Variants in LCORL observed in about 807,000 individuals in gnomAD.
LCORL encodes ligand-dependent nuclear receptor corepressor-like protein.
LCORL carries 41 observed loss-of-function variants against 141.8 expected under a neutral mutation model. That is an observed-to-expected ratio of 0.29 (90% CI 0.23 to 0.38). LCORL has a LOEUF of 0.38. Among genes scored for constraint, LCORL ranks in the 10% least tolerant of loss-of-function variants. The pLI, the probability that LCORL is intolerant of heterozygous loss-of-function variation, is 1.00. For missense variants in LCORL, 1,759 were observed against 2,035.0 expected, an observed-to-expected ratio of 0.86 and a Z score of 2.61; for synonymous variants, 618 against 694.1, an observed-to-expected ratio of 0.89 and a Z score of 1.72.
rs1035513798 is a variant in LCORL at position 17,859,635 on chromosome 4, G to C, written c.5603-13734C>G. Among the ~76,000 whole-genome samples, 4 of 152,236 alleles carry C rather than the reference G, an allele frequency of 2.6e-5. No homozygotes were observed. The East Asian group carries it at 7.7e-4, about 29-fold the overall frequency. On this transcript the variant is annotated intron_variant, in intron 7 of 7. Transcript: ENST00000635767. ...TTATTTTCCTATTTTAAAAATCTCT[G>C]AATGATAACTGTGTAAAGAAAAAAT...
At chr4:17,845,945 A>G in intron 7 of LCORL, 44 bp from the exon 8 acceptor site, 1 of 1,479,052 alleles carries the variant, frequency 6.8e-7, no homozygotes, top group Non-Finnish European at 9.3e-7. Flanking sequence ...CTTTAATTTC[A>G]AAGTAATTAT....
At chr4:17,874,188 C>G in exon 7 of LCORL, 1 of 1,233,912 alleles carries the variant, frequency 8.1e-7, no homozygotes, top group Non-Finnish European at 1.0e-6. Context: ...ATGATGCAAC[C>G]TCTTAAACTC....
chr4:17,855,041 G>A (rs1724190492), intron 7 of LCORL, among the ~76,000 whole-genome samples: 2 of 152,062 alleles, frequency 1.3e-5, no homozygotes, highest in South Asian at 4.1e-4. Context: ...TGGCAGTCAA[G>A]AATTCACAAG....
At chr4:17,953,418 A>G (rs1398755019) in intron 4 of LCORL, among the ~76,000 whole-genome samples, 1 of 152,134 alleles carries the variant, frequency 6.6e-6, no homozygotes, top group East Asian at 1.9e-4. Flanking sequence ...GTTCCCCTCA[A>G]ATTTAAACAT....
chr4:17,977,942 C>CT lies in LCORL; in HGVS notation c.155-5058dup, dbSNP rs993981667. 9.2e-5 allele frequency among the ~76,000 whole-genome samples: 14 copies of CT among 152,070 alleles called. 1 individual carries two copies. The highest frequency in any genetic ancestry group is 2.7e-4 in the African/African-American group (11 of 41,506). ...TTGTGGATGGTGTGAAATGACTGAT[C>CT]TTTTTTTTGTTTCTGTATTGGTATC... On this transcript the variant is annotated intron_variant, in intron 1 of 7. Coordinates refer to ENST00000635767, the Ensembl canonical transcript of LCORL.
At chr4:17,957,486 T>C (rs979117101) in intron 4 of LCORL, among the ~76,000 whole-genome samples, 33 of 151,844 alleles carry the variant, frequency 2.2e-4, no homozygotes, top group Non-Finnish European at 4.0e-4. Context: ...TAGAAAGAAT[T>C]TGGGTGATTG....
At chr4:17,979,256 C>T (rs1717566511) in intron 1 of LCORL, among the ~76,000 whole-genome samples, 1 of 152,174 alleles carries the variant, frequency 6.6e-6, no homozygotes, top group Non-Finnish European at 1.5e-5. Flanking sequence ...CTGGCATGAT[C>T]ATATGGCCTA....
chr4:17,907,930 T>C (rs1553865635), intron 5 of LCORL, among the ~76,000 whole-genome samples: 1 of 152,218 alleles, frequency 6.6e-6, no homozygotes, highest in Non-Finnish European at 1.5e-5. Flanking sequence ...AACCTAGTAT[T>C]AGGGAACAAA....
exon 8 of LCORL, chr4:17,844,931 G>A (rs1345879480): frequency 6.6e-6 from 1 of 152,034 alleles, no homozygotes; most frequent in African/African-American, 2.4e-5. Flanking sequence ...ACTGTGCTTT[G>A]CACTATTAAA....
At chr4:17,878,056 A>C in exon 7 of LCORL, 1 of 1,230,598 alleles carries the variant, frequency 8.1e-7, no homozygotes, top group Non-Finnish European at 1.0e-6. Context: ...GTATTACAAC[A>C]GCAAAGAGAA....
intron 7 of LCORL, among the ~76,000 whole-genome samples, chr4:17,852,715 AC>A (rs1055121317): frequency 5.3e-5 from 8 of 152,176 alleles, no homozygotes; most frequent in Non-Finnish European, 1.2e-4. Context: ...GTCCATCTCC[AC>A]CATCTGAATG....
chr4:17,923,338 G>A (rs936917738), intron 4 of LCORL, among the ~76,000 whole-genome samples: 2 of 152,168 alleles, frequency 1.3e-5, no homozygotes, highest in African/African-American at 2.4e-5. Context: ...TTGGTTAGCT[G>A]AAATATGGAT....
chr4:17,996,800 T>C (rs1720989270), intron 1 of LCORL, among the ~76,000 whole-genome samples: 1 of 152,098 alleles, frequency 6.6e-6, no homozygotes, highest in South Asian at 2.1e-4. Flanking sequence ...AAAACCTCTC[T>C]CTCAAGGCTT....
Position 18,018,418 on chromosome 4 carries a change from T to C in LCORL, c.154+3180A>G, listed in dbSNP as rs369612667. The stretch of plus-strand genomic sequence containing the variant: ...GAAAGTACCACAATGTAAGTAGAGA[T>C]ATTAATTGGGACAAAAGGTTGTAGG... On this transcript the variant is annotated intron_variant, in intron 1 of 7. Coordinates refer to ENST00000635767, the Ensembl canonical transcript of LCORL. Among the ~76,000 whole-genome samples the C allele has an allele frequency of 9.5e-4, 144 of 152,228 alleles. 1 individual carries two copies. The South Asian group carries it at 0.028, about 30-fold the overall frequency.
Position 17,953,337 on chromosome 4 carries a change from G to A in LCORL, c.430+8566C>T, listed in dbSNP as rs1174479674. On this transcript the variant is annotated intron_variant, in intron 4 of 7. Transcript: ENST00000635767. ...GAATTGCCACACTGCTTCCCACAAT[G>A]CCTGAGCTAACTTACACTCCCACCA... Among the ~76,000 whole-genome samples, 18 of 152,266 alleles carry A rather than the reference G, an allele frequency of 1.2e-4. No homozygotes were observed. The South Asian group carries it at 3.7e-3, about 32-fold the overall frequency.
intron 7 of LCORL, among the ~76,000 whole-genome samples, chr4:17,849,248 C>G (rs1322041036): frequency 6.6e-6 from 1 of 152,202 alleles, no homozygotes; most frequent in Non-Finnish European, 1.5e-5. Flanking sequence ...TCCCTGACCC[C>G]CGAGCAGCCT....
chr4:17,998,195 T>C (rs1721216214), intron 1 of LCORL, among the ~76,000 whole-genome samples: 1 of 152,184 alleles, frequency 6.6e-6, no homozygotes, highest in Non-Finnish European at 1.5e-5. Flanking sequence ...TGAATGGAGC[T>C]TGAAGGATGG....
chr4:17,888,890 G>A (rs1728671769), intron 5 of LCORL, among the ~76,000 whole-genome samples: 1 of 151,932 alleles, frequency 6.6e-6, no homozygotes, highest in Admixed American at 6.6e-5. Context: ...TTTTGATTTT[G>A]CTCATTTTAT....
chr4:18,004,368 G>A (rs1276809123), intron 1 of LCORL, among the ~76,000 whole-genome samples: 1 of 152,184 alleles, frequency 6.6e-6, no homozygotes, highest in African/African-American at 2.4e-5. Flanking sequence ...TGTGGCTGGG[G>A]AAGCCTCACA....
Sources: allele counts gnomAD v4.1 joint callset (sites outside exome capture counted in the v4.1 genomes callset), GRCh38; gene constraint gnomAD v4.1.1; transcripts MANE v1.5; gene names NCBI Gene and HGNC (gene_info 2026-07-23, HGNC 2026-07-21).